Variants in NEO1 observed in about 807,000 individuals in gnomAD.
NEO1 encodes the protein neogenin.
A neutral mutation model predicts 159.7 loss-of-function variants in NEO1; 63 were observed. The observed-to-expected ratio is 0.39, with a 90% CI of 0.32 to 0.49. The LOEUF is 0.49. NEO1 is among the 20% of genes least tolerant of loss of function. The pLI is 0.85. For synonymous variants in NEO1, 633 were observed against 662.0 expected (o/e 0.96, Z 0.67); for missense variants, 1,615 against 1,831.0 (o/e 0.88, Z 2.15).
At chr15:73,265,209 T>G (rs546894646) in intron 15 of NEO1, among the ~76,000 whole-genome samples, 27 of 152,210 alleles carry the variant, frequency 1.8e-4, no homozygotes, top group African/African-American at 6.0e-4. Flanking sequence ...AAAACTTGAT[T>G]GTTTGTCTGG....
At chr15:73,065,963 A>G (rs1358548407) in intron 1 of NEO1, among the ~76,000 whole-genome samples, 2 of 151,832 alleles carry the variant, frequency 1.3e-5, no homozygotes, top group African/African-American at 2.4e-5. Context: ...AGCACTCTCT[A>G]TATTGAATTC....
intron 26 of NEO1, among the ~76,000 whole-genome samples, chr15:73,293,866 A>G (rs1452598451): frequency 6.6e-6 from 1 of 152,152 alleles, no homozygotes; most frequent in Non-Finnish European, 1.5e-5. Context: ...CTCTAGTTTG[A>G]AAGGAAAACT....
intron 7 of NEO1, among the ~76,000 whole-genome samples, chr15:73,183,639 A>G (rs1367241226): frequency 6.6e-6 from 1 of 152,162 alleles, no homozygotes; most frequent in Non-Finnish European, 1.5e-5. Context: ...GGACCAGAAC[A>G]ATGGAGAATC....
Position 73,236,354 on chromosome 15 carries a change from C to T in NEO1, c.1299C>T (p.Ala433=), listed in dbSNP as rs1267585199. ...AQLIILEHAP[A]TTGPLPSAPR... The stretch of plus-strand genomic sequence containing the variant: ...CCACTACTGACCATCTAGCACCAGC[C>T]ACAACGGGACCACTGCCTTCAGCTC... Residue 433 remains alanine (A), a synonymous_variant, in exon 8 of 29, where the codon GCC becomes GCT. Transcript: ENST00000261908. 1.2e-6 allele frequency: 2 copies of T among 1,614,052 alleles called. No homozygotes were observed. The highest frequency in any genetic ancestry group is 2.2e-5 in the East Asian group (1 of 44,886).
At position 73,133,189 on chromosome 15, in the gene NEO1, G is replaced by A. The variant is rs147578484; in HGVS notation, c.879-2702G>A. On this transcript the variant is annotated intron_variant, in intron 4 of 28. Coordinates refer to ENST00000261908, the MANE Select transcript of NEO1 (RefSeq NM_002499.4). ...TTGTGGTATGTATATATATATATAC[G>A]TATATATATATACACATACTACTCA... 8.6e-3 allele frequency among the ~76,000 whole-genome samples: 1,301 copies of A among 151,238 alleles called. 23 individuals carry two copies. The highest frequency in any genetic ancestry group is 0.03 in the African/African-American group (1,223 of 41,130).
At chr15:73,218,427 GATGCTGGCCTCATAAAATGAGT>G (rs2038031186) in intron 7 of NEO1, among the ~76,000 whole-genome samples, 1 of 151,970 alleles carries the variant, frequency 6.6e-6, no homozygotes, top group African/African-American at 2.4e-5. Context: ...GTATCAGGAT[GATGCTGGCCTCATAAAATGAGT>G]TAGGGAGGAT....
At chr15:73,122,898 A>G in intron 3 of NEO1, 98 bp downstream of exon 3, 2 of 1,424,106 alleles carry the variant, frequency 1.4e-6, no homozygotes, top group Non-Finnish European at 1.9e-6. Context: ...GGCCGGGCGC[A>G]GTGGCTCACA....
chr15:73,273,800 C>T lies in NEO1; in HGVS notation c.2966-11C>T. ...AGTGAGATTTCTTTTCCCATTAATT[C>T]CTTTGGACAGGTTACATCATATATT... On this transcript the variant is annotated splice_polypyrimidine_tract_variant and intron_variant, in intron 19 of 28. Coordinates refer to ENST00000261908, the MANE Select transcript of NEO1 (RefSeq NM_002499.4). The T allele has an allele frequency of 3.8e-6, 6 of 1,598,402 alleles. No individual in the cohort carries two copies. Among genetic ancestry groups the T allele is most frequent in the Admixed American group, 1.7e-5 (1 of 57,266 alleles).
chr15:73,249,024 C>T (rs2039939907), intron 9 of NEO1, 36 bp from the exon 10 acceptor site: 1 of 1,609,634 alleles, frequency 6.2e-7, no homozygotes, highest in Admixed American at 1.7e-5. Flanking sequence ...TGTAGCATTT[C>T]ATTTATATCT....
In NEO1 at chr15:73,249,857, T is replaced by C. The variant is rs138198505; in HGVS notation, c.1894+136T>C. ...CCTCTTTCTGGTAATATGACTTTAG[T>C]CAAGTCTGAACATCTTTTTTCACGT... On this transcript the variant is annotated intron_variant, in intron 11 of 28. Coordinates refer to ENST00000261908, the MANE Select transcript of NEO1 (RefSeq NM_002499.4). 24 of 1,013,440 alleles carry C rather than the reference T, an allele frequency of 2.4e-5. No homozygotes were observed. In the East Asian group the frequency reaches 6.1e-4, roughly 26 times the overall value. 62.8% of individuals were successfully genotyped at this position (1,013,440 alleles called of 1,614,324 possible).
At chr15:73,290,175 A>T (rs1307891086) in intron 25 of NEO1, among the ~76,000 whole-genome samples, 1 of 151,400 alleles carries the variant, frequency 6.6e-6, no homozygotes, top group Non-Finnish European at 1.5e-5. Flanking sequence ...TTAAAAATAA[A>T]ATTAGTAGAC....
chr15:73,257,272 A>AT (rs1424623217), intron 13 of NEO1, among the ~76,000 whole-genome samples: 7 of 151,926 alleles, frequency 4.6e-5, no homozygotes, highest in Non-Finnish European at 8.8e-5. Context: ...TGTTAAAAAA[A>AT]AAAAAAAAGA....
At chr15:73,210,069 C>T (rs932722016) in intron 7 of NEO1, among the ~76,000 whole-genome samples, 2 of 152,154 alleles carry the variant, frequency 1.3e-5, no homozygotes, top group Admixed American at 6.5e-5. Context: ...CATATAGATC[C>T]TATCTGAAGT....
At chr15:73,288,593 C>T in intron 24 of NEO1, 42 bp downstream of exon 24, 4 of 1,509,218 alleles carry the variant, frequency 2.7e-6, no homozygotes, top group Non-Finnish European at 3.7e-6. Context: ...TGTTAGGAAA[C>T]TATTTTCATT....
intron 5 of NEO1, among the ~76,000 whole-genome samples, chr15:73,142,510 G>A (rs529671518): frequency 6.6e-5 from 10 of 152,138 alleles, no homozygotes; most frequent in Non-Finnish European, 1.3e-4. Context: ...TGGGGCAGAG[G>A]AAATAAGCCA....
intron 22 of NEO1, among the ~76,000 whole-genome samples, chr15:73,279,351 G>GTTTTTGTTTTTGTTTTTGTT (rs2041577119): frequency 1.7e-5 from 2 of 119,348 alleles, no homozygotes; most frequent in African/African-American, 6.0e-5. Context: ...TTTGGTTTTG[G>GTTTTTGTTTTTGTTTTTGTT]TTTTTTTTTT....
intron 2 of NEO1, among the ~76,000 whole-genome samples, chr15:73,120,519 C>A (rs1168867512): frequency 6.6e-6 from 1 of 151,754 alleles, no homozygotes; most frequent in African/African-American, 2.4e-5. Flanking sequence ...GTTTGCTCTT[C>A]CTTAAAGAAA....
At chr15:73,255,937 A>G (rs2040324505) in intron 13 of NEO1, 1 of 152,190 alleles carries the variant, frequency 6.6e-6, no homozygotes, top group Non-Finnish European at 1.5e-5. Flanking sequence ...GGCATGTTTA[A>G]TCTCGGGACA....
At position 73,218,226 on chromosome 15, in the gene NEO1, A is replaced by G. The variant is rs1408479749; in HGVS notation, c.1292-18121A>G. On this transcript the variant is annotated intron_variant, in intron 7 of 28. Transcript: ENST00000261908. ...TGGTTCTGTTTATATGCTGGATTAC[A>G]TTTATTGATTTGCGTATATTGAACC... 8.2e-4 allele frequency among the ~76,000 whole-genome samples: 124 copies of G among 151,828 alleles called. 1 individual carries two copies. Among genetic ancestry groups the G allele is most frequent in the African/African-American group, 2.9e-3 (121 of 41,442 alleles).
Sources: gnomAD v4.1 joint callset for allele counts (sites outside exome capture counted in the v4.1 genomes callset) on GRCh38, gnomAD v4.1.1 for gene constraint, MANE v1.5 for transcripts, NCBI Gene and HGNC (gene_info 2026-07-23, HGNC 2026-07-21) for gene names.